Variants in PDE6C observed in about 807,000 individuals in gnomAD.
The protein encoded by PDE6C is phosphodiesterase 6C.
In PDE6C, 75 loss-of-function variants were observed where a neutral mutation model predicts 113.1. That is an observed-to-expected ratio of 0.66 (90% CI 0.55 to 0.80). The LOEUF is 0.80. Ranked by LOEUF, PDE6C falls within the 30% of genes least tolerant of loss-of-function variation. The pLI, the probability that PDE6C is intolerant of heterozygous loss-of-function variation, is 0.00. For missense variants in PDE6C, 912 were observed against 1,038.6 expected (o/e 0.88, Z 1.67); for synonymous variants, 375 against 363.7 (o/e 1.03, Z -0.35).
At chr10:93,626,947 T>C in intron 7 of PDE6C, 76 bp downstream of exon 7, 1 of 1,326,182 alleles carries the variant, frequency 7.5e-7, no homozygotes, top group Non-Finnish European at 1.1e-6. Context: ...GATACAATTG[T>C]GAAAGCAAGA....
At chr10:93,614,217 T>C (rs2058408844) in intron 1 of PDE6C, among the ~76,000 whole-genome samples, 1 of 152,064 alleles carries the variant, frequency 6.6e-6, no homozygotes, top group Non-Finnish European at 1.5e-5. Context: ...CAGGGGTGTA[T>C]AGGGCAGCTG....
intron 8 of PDE6C, among the ~76,000 whole-genome samples, chr10:93,631,166 G>A (rs889628526): frequency 1.2e-4 from 19 of 152,344 alleles, no homozygotes; most frequent in South Asian, 2.1e-4. Context: ...CCTCCCCGGG[G>A]CCTTGGGGAG....
chr10:93,629,375 TC>T, intron 8 of PDE6C, 70 bp downstream of exon 8: 1 of 1,122,680 alleles, frequency 8.9e-7, no homozygotes, highest in Non-Finnish European at 1.4e-6. Flanking sequence ...TCGCCTCTCC[TC>T]CACCCCCAGA....
At chr10:93,633,240 C>T (rs1321595593) in intron 8 of PDE6C, among the ~76,000 whole-genome samples, 8 of 151,916 alleles carry the variant, frequency 5.3e-5, no homozygotes, top group African/African-American at 1.2e-4. Context: ...CTGAGGCGGG[C>T]GGATCACTTG....
intron 8 of PDE6C, among the ~76,000 whole-genome samples, chr10:93,634,171 C>G (rs583830): frequency 0.5 from 76,626 of 151,764 alleles, 20,169 homozygotes; most frequent in South Asian, 0.63. Context: ...TACAGGTGCC[C>G]ACCATCACGC....
At chr10:93,621,337 G>A (rs1024401932) in intron 3 of PDE6C, among the ~76,000 whole-genome samples, 3 of 152,186 alleles carry the variant, frequency 2.0e-5, no homozygotes, top group African/African-American at 7.2e-5. Context: ...AGAAATTCCT[G>A]GGTCATAGTA....
At chr10:93,621,341 C>A (rs1323397338) in intron 3 of PDE6C, among the ~76,000 whole-genome samples, 1 of 152,182 alleles carries the variant, frequency 6.6e-6, no homozygotes, top group Non-Finnish European at 1.5e-5. Flanking sequence ...ATTCCTGGGT[C>A]ATAGTAAACC....
chr10:93,655,181 T>C lies in PDE6C; in HGVS notation c.1936-579T>C, dbSNP rs559429148. ...GTGAAGAGATGTAGTGAGAAACTCT[T>C]TGAAGAAAGGTCTAGTTAAGTCTTG... On this transcript the variant is annotated intron_variant, in intron 15 of 21. Coordinates refer to ENST00000371447, the MANE Select transcript of PDE6C (RefSeq NM_006204.4). Among the ~76,000 whole-genome samples, 4 of 152,262 alleles carry C rather than the reference T, an allele frequency of 2.6e-5. No individual in the cohort carries two copies. The East Asian group carries it at 5.8e-4, about 22-fold the overall frequency.
chr10:93,622,030 T>G lies in PDE6C; in HGVS notation c.822T>G (p.Cys274Trp). Residue 274 changes from cysteine (C) to tryptophan (W), a missense_variant, in exon 4 of 22, where the codon TGT (cysteine) becomes TGG (tryptophan). Coordinates refer to ENST00000371447, the MANE Select transcript of PDE6C (RefSeq NM_006204.4). Reference protein sequence around the residue: ...ALYTVRSYLNCERYSIGLLDM... With the variant: ...ALYTVRSYLNWERYSIGLLDM... The stretch of plus-strand genomic sequence containing the variant: ...ACACGGTTAGATCATATCTGAACTG[T>G]GAACGATACTCCATTGGACTGCTGG... 6.8e-6 allele frequency: 11 copies of G among 1,614,114 alleles called. No individual in the cohort carries two copies. Among genetic ancestry groups the G allele is most frequent in the Non-Finnish European group, 9.3e-6 (11 of 1,179,968 alleles).
At chr10:93,633,481 T>A (rs1147642) in intron 8 of PDE6C, among the ~76,000 whole-genome samples, 69,078 of 132,116 alleles carry the variant, frequency 0.52, 19,009 homozygotes, top group South Asian at 0.65. Context: ...AAAAAAAAAA[T>A]AAAAAAAAAT....
chr10:93,657,328 A>ATTTTTTTTTTTTTTTTTT (rs71031526), intron 16 of PDE6C, among the ~76,000 whole-genome samples: 1 of 88,286 alleles, frequency 1.1e-5, no homozygotes, highest in Non-Finnish European at 2.0e-5. Context: ...CGCCTGGCTA[A>ATTTTTTTTTTTTTTTTTT]TTTTTTTTTT....
intron 1 of PDE6C, among the ~76,000 whole-genome samples, 170 bp from the exon 2 acceptor site, chr10:93,620,462 C>T (rs1479770577): frequency 6.6e-6 from 1 of 152,148 alleles, no homozygotes; most frequent in Admixed American, 6.5e-5. Context: ...CCATTCTATG[C>T]AGTCATAGGA....
At chr10:93,654,109 T>C (rs1344095750) in intron 15 of PDE6C, among the ~76,000 whole-genome samples, 1 of 152,244 alleles carries the variant, frequency 6.6e-6, no homozygotes, top group South Asian at 2.1e-4. Context: ...ATTTACAGTT[T>C]TAAAATGCAT....
At chr10:93,619,255 G>A (rs952096599) in intron 1 of PDE6C, among the ~76,000 whole-genome samples, 5 of 152,016 alleles carry the variant, frequency 3.3e-5, no homozygotes, top group Admixed American at 2.0e-4. Flanking sequence ...TATGAGGTCT[G>A]AATCTGGGAA....
intron 15 of PDE6C, among the ~76,000 whole-genome samples, chr10:93,654,849 C>T (rs2058629166): frequency 6.9e-6 from 1 of 145,236 alleles, no homozygotes; most frequent in Admixed American, 7.4e-5. Flanking sequence ...TCTCTGTCAC[C>T]CAAGCTGGAG....
At position 93,636,984 on chromosome 10, in the gene PDE6C, T is replaced by C; in HGVS notation, c.1414-11T>C. 4.6e-6 allele frequency: 7 copies of C among 1,511,000 alleles called. No individual in the cohort carries two copies. The South Asian group carries it at 6.8e-5, about 15-fold the overall frequency. 93.6% of individuals were successfully genotyped at this position (1,511,000 alleles called of 1,614,324 possible). On this transcript the variant is annotated splice_polypyrimidine_tract_variant and intron_variant, in intron 10 of 21. Coordinates refer to ENST00000371447, the MANE Select transcript of PDE6C (RefSeq NM_006204.4). The stretch of plus-strand genomic sequence containing the variant: ...TAGGAATTTCACACCTCAATTGCTT[T>C]TACATTTTAGAAATTTCAAGAGAAG...
intron 8 of PDE6C, among the ~76,000 whole-genome samples, 181 bp from the exon 9 acceptor site, chr10:93,634,577 A>G (rs977481480): frequency 3.3e-5 from 5 of 152,234 alleles, no homozygotes; most frequent in African/African-American, 4.8e-5. Context: ...ATATTGTACT[A>G]TAGTTACACA....
At chr10:93,630,799 C>T (rs1287209456) in intron 8 of PDE6C, among the ~76,000 whole-genome samples, 1 of 152,192 alleles carries the variant, frequency 6.6e-6, no homozygotes, top group Non-Finnish European at 1.5e-5. Context: ...TCGTTACGTG[C>T]ATCTGCCTGC....
chr10:93,619,178 C>T (rs572889524), intron 1 of PDE6C, among the ~76,000 whole-genome samples: 101 of 152,264 alleles, frequency 6.6e-4, no homozygotes, highest in African/African-American at 2.2e-3. Context: ...CATTTGTGCG[C>T]TTCTCCAGAC....
Sources: gnomAD v4.1 joint callset for allele counts (sites outside exome capture counted in the v4.1 genomes callset) on GRCh38, gnomAD v4.1.1 for gene constraint, MANE v1.5 for transcripts, NCBI Gene and HGNC (gene_info 2026-07-23, HGNC 2026-07-21) for gene names.